Variants in PRPF31 observed in about 807,000 individuals in gnomAD.
PRPF31 encodes pre-mRNA processing factor 31, also known as U4/U6 small nuclear ribonucleoprotein Prp31.
PRPF31 carries 12 observed loss-of-function variants against 60.4 expected under a neutral mutation model. That is an observed-to-expected ratio of 0.20 (90% CI 0.13 to 0.32). The LOEUF is 0.32. Among genes scored for constraint, PRPF31 ranks in the 10% least tolerant of loss-of-function variants. The pLI, the probability that PRPF31 is intolerant of heterozygous loss-of-function variation, is 1.00. For missense variants in PRPF31, 431 were observed against 687.1 expected (o/e 0.63, Z 4.17); for synonymous variants, 287 against 287.9 (o/e 1.00, Z 0.03).
intron 1 of PRPF31, 61 bp downstream of exon 1, chr19:54,115,858 T>A (rs1412728463): frequency 5.0e-6 from 1 of 200,118 alleles, no homozygotes; most frequent in Non-Finnish European, 1.0e-5. Flanking sequence ...GGAGAAGAAG[T>A]GTGTGAGGAA....
At chr19:54,126,416 C>A in intron 8 of PRPF31, 112 bp from the exon 9 acceptor site, 1 of 984,874 alleles carries the variant, frequency 1.0e-6, no homozygotes, top group Non-Finnish European at 1.6e-6. Context: ...GGGTGGAAAG[C>A]CCCCTTCCAG....
In PRPF31 at chr19:54,129,303, G is replaced by A. The variant is rs746117107; in HGVS notation, c.1307G>A (p.Gly436Asp). The change falls in exon 13 of 14, where the codon GGC becomes GAC. Residue 436 changes from glycine to aspartate, a missense_variant. By Grantham distance (94) the Gly-to-Asp change is moderately conservative. Around this residue, in one of 4 missense-constraint regions of PRPF31, gnomAD observed 314 missense variants for 475.3 expected, o/e 0.66. Transcript: ENST00000321030. ...RTLQKQSVVY[G>D]GKSTIRDRSS... ...CTGCAGAAGCAGAGCGTCGTATATG[G>A]CGGGAAGTCCACCATCCGCGACCGC... 5 of 1,610,282 alleles carry A rather than the reference G, an allele frequency of 3.1e-6. No homozygotes were observed. Among genetic ancestry groups the A allele is most frequent in the Non-Finnish European group, 4.2e-6 (5 of 1,179,004 alleles).
intron 1 of PRPF31, among the ~76,000 whole-genome samples, chr19:54,116,794 G>T (rs1401330537): frequency 6.6e-6 from 1 of 152,210 alleles, no homozygotes; most frequent in Non-Finnish European, 1.5e-5. Flanking sequence ...GAGATGCTGG[G>T]CTACTAAGAA....
intron 1 of PRPF31, among the ~76,000 whole-genome samples, chr19:54,117,229 G>T (rs927526254): frequency 2.0e-5 from 3 of 152,220 alleles, no homozygotes; most frequent in Admixed American, 6.5e-5. Context: ...CTCAGAGGCA[G>T]AGGAAGTGGG....
chr19:54,126,277 C>T (rs141125499), intron 8 of PRPF31, among the ~76,000 whole-genome samples: 36 of 152,336 alleles, frequency 2.4e-4, no homozygotes, highest in African/African-American at 6.7e-4. Flanking sequence ...CCACCGTCCT[C>T]GTTGTCAGCG....
intron 5 of PRPF31, 182 bp downstream of exon 5, chr19:54,122,776 C>G (rs2073824843): frequency 1.5e-6 from 1 of 676,366 alleles, no homozygotes; most frequent in South Asian, 1.6e-5. Context: ...TCAGGGCTCC[C>G]CTCCAACCCC....
chr19:54,130,963 G>T (rs1037837124), intron 13 of PRPF31, among the ~76,000 whole-genome samples: 2 of 152,200 alleles, frequency 1.3e-5, no homozygotes, highest in African/African-American at 4.8e-5. Context: ...ATCGTCAGTG[G>T]TGTTGGTGTG....
At chr19:54,121,793 C>G in intron 3 of PRPF31, 67 bp from the exon 4 acceptor site, 2 of 1,476,770 alleles carry the variant, frequency 1.4e-6, no homozygotes, top group Middle Eastern at 1.7e-4. Flanking sequence ...TCCGCCTCCT[C>G]CAGCTGCGGG....
Sources: allele counts gnomAD v4.1 joint callset (sites outside exome capture counted in the v4.1 genomes callset), GRCh38; gene constraint gnomAD v4.1.1; regional missense constraint gnomAD v4.1.1; transcripts MANE v1.5; gene names NCBI Gene and HGNC (gene_info 2026-07-23, HGNC 2026-07-21).